FHIT: variants seen among roughly 807,000 people sequenced by gnomAD.
The protein encoded by FHIT is fragile histidine triad diadenosine triphosphatase.
Under a neutral mutation model 17.9 loss-of-function variants are expected in FHIT, and 19 were observed. The observed-to-expected ratio is 1.06, with a 90% CI of 0.74 to 1.56. The LOEUF (loss-of-function observed/expected upper bound fraction) is 1.56, where lower values mean the gene tolerates loss of function less well. Among genes scored for constraint, FHIT ranks in the 40% most tolerant of loss-of-function variants. The probability of loss-of-function intolerance (pLI) is 0.00; values close to 1 mark genes in which losing one functional copy is unlikely to be tolerated. For synonymous variants in FHIT, 81 were observed against 69.7 expected, an observed-to-expected ratio of 1.16 and a Z score of -0.81; for missense variants, 248 against 189.2, an observed-to-expected ratio of 1.31 and a Z score of -1.82.
chr3:59,839,608 G>C (rs537812885), intron 8 of FHIT, among the ~76,000 whole-genome samples: 7 of 152,256 alleles, frequency 4.6e-5, no homozygotes, highest in African/African-American at 1.7e-4. Context: ...CCATCAAGAA[G>C]TTCCTTTTCC....
At chr3:61,152,939 C>T (rs879764854) in intron 2 of FHIT, among the ~76,000 whole-genome samples, 4 of 151,950 alleles carry the variant, frequency 2.6e-5, no homozygotes, top group Non-Finnish European at 5.9e-5. Flanking sequence ...ATCAGGAGAT[C>T]GAGACCATCC....
intron 4 of FHIT, among the ~76,000 whole-genome samples, chr3:60,667,021 ATTTTTTTT>A (rs56071877): frequency 0.012 from 394 of 34,162 alleles, 4 homozygotes; most frequent in African/African-American, 0.033. Flanking sequence ...TGCCTGGTTA[ATTTTTTTT>A]TTTTTTTTTT....
intron 2 of FHIT, among the ~76,000 whole-genome samples, chr3:61,163,535 C>G (rs2037755096): frequency 6.6e-6 from 1 of 152,184 alleles, no homozygotes; most frequent in Non-Finnish European, 1.5e-5. Flanking sequence ...TTCTCCCACA[C>G]TTTTCCCCTG....
intron 4 of FHIT, among the ~76,000 whole-genome samples, chr3:60,585,009 A>G (rs1278731187): frequency 6.6e-6 from 1 of 151,994 alleles, no homozygotes; most frequent in African/African-American, 2.4e-5. Context: ...TTAGTTTTGC[A>G]TCACTTCAGG....
chr3:60,660,425 T>C (rs1553690771), intron 4 of FHIT, among the ~76,000 whole-genome samples: 28 of 152,100 alleles, frequency 1.8e-4, no homozygotes. Context: ...GCTGATATTA[T>C]TCTAAGAGCT....
At chr3:61,029,359 TC>T (rs1468187187) in intron 3 of FHIT, among the ~76,000 whole-genome samples, 2 of 152,184 alleles carry the variant, frequency 1.3e-5, no homozygotes, top group Non-Finnish European at 2.9e-5. Flanking sequence ...TTTAAACTCC[TC>T]CCCGAGGGAA....
intron 2 of FHIT, among the ~76,000 whole-genome samples, chr3:61,050,254 TG>T (rs2033976985): frequency 6.6e-6 from 1 of 152,138 alleles, no homozygotes; most frequent in South Asian, 2.1e-4. Context: ...AATTAAACAC[TG>T]CCACAAAAAA....
chr3:60,202,505 G>T (rs897915993), intron 5 of FHIT, among the ~76,000 whole-genome samples: 8 of 152,184 alleles, frequency 5.3e-5, no homozygotes, highest in African/African-American at 1.9e-4. Context: ...TAATTTACTT[G>T]TTCACAGTTG....
chr3:60,616,243 CTTGT>C (rs2038946622), intron 4 of FHIT, among the ~76,000 whole-genome samples: 3 of 152,120 alleles, frequency 2.0e-5, no homozygotes, highest in Non-Finnish European at 4.4e-5. Context: ...CAGATGTTTT[CTTGT>C]TTGTTCAGTT....
At chr3:60,644,961 A>C (rs1488152617) in intron 4 of FHIT, among the ~76,000 whole-genome samples, 4 of 152,202 alleles carry the variant, frequency 2.6e-5, no homozygotes, top group South Asian at 4.2e-4. Context: ...CCTGGCAGAT[A>C]GTTAGGGCTG....
intron 3 of FHIT, among the ~76,000 whole-genome samples, chr3:61,027,685 A>T (rs937836343): frequency 5.9e-5 from 9 of 152,186 alleles, no homozygotes; most frequent in African/African-American, 2.2e-4. Context: ...CCAGTATTAT[A>T]AACTATCATA....
chr3:60,594,935 T>G (rs1258761641), intron 4 of FHIT, among the ~76,000 whole-genome samples: 1 of 152,074 alleles, frequency 6.6e-6, no homozygotes, highest in Admixed American at 6.6e-5. Flanking sequence ...TCCTTCCAAC[T>G]GTATTCTTTC....
intron 4 of FHIT, among the ~76,000 whole-genome samples, chr3:60,756,337 G>C (rs563576028): frequency 6.6e-6 from 1 of 152,186 alleles, no homozygotes; most frequent in Admixed American, 6.5e-5. Flanking sequence ...TTGTCCCTTA[G>C]AAGCTCGAAG....
At chr3:60,640,593 A>G (rs1256788941) in intron 4 of FHIT, among the ~76,000 whole-genome samples, 3 of 152,190 alleles carry the variant, frequency 2.0e-5, no homozygotes, top group African/African-American at 7.2e-5. Context: ...ATACTTCAAT[A>G]AGAAAATTTA....
intron 5 of FHIT, among the ~76,000 whole-genome samples, chr3:60,318,819 T>C (rs1709285252): frequency 6.6e-6 from 1 of 152,226 alleles, no homozygotes; most frequent in Non-Finnish European, 1.5e-5. Context: ...AAGTACAAAA[T>C]CAGTTTCACT....
At chr3:60,495,052 T>A (rs531471258) in intron 5 of FHIT, among the ~76,000 whole-genome samples, 1 of 152,282 alleles carries the variant, frequency 6.6e-6, no homozygotes, top group South Asian at 2.1e-4. Flanking sequence ...CTCCAAACTG[T>A]TCTCCTTAGT....
rs149864414 is a variant in FHIT, at chr3:60,498,322, T to C, written c.103+38538A>G. Among the ~76,000 whole-genome samples, 353 of 152,340 alleles carry C rather than the reference T, an allele frequency of 2.3e-3. 2 individuals carry two copies. Among genetic ancestry groups the C allele is most frequent in the African/African-American group, 8.0e-3 (333 of 41,582 alleles). On this transcript the variant is annotated intron_variant, in intron 5 of 9. Transcript: ENST00000492590. ...ACAATTCAATAAATGATGAAAATGT[T>C]CATTTGTTACATTTATAGCATACTA...
chr3:60,915,947 A>G (rs1447122467), intron 3 of FHIT, among the ~76,000 whole-genome samples: 1 of 152,176 alleles, frequency 6.6e-6, no homozygotes, highest in East Asian at 1.9e-4. Flanking sequence ...CATGCTGTTA[A>G]TGATCTCTGT....
At chr3:59,874,090 T>C (rs1703043708) in intron 8 of FHIT, among the ~76,000 whole-genome samples, 3 of 152,118 alleles carry the variant, frequency 2.0e-5, no homozygotes, top group Admixed American at 2.0e-4. Context: ...GTGAGGATCA[T>C]AAGCTATCCT....
Sources: gnomAD v4.1 joint callset for allele counts (sites outside exome capture counted in the v4.1 genomes callset) on GRCh38, gnomAD v4.1.1 for gene constraint, MANE v1.5 for transcripts, NCBI Gene and HGNC (gene_info 2026-07-23, HGNC 2026-07-21) for gene names.